Variants in RUNX1T1 observed in about 807,000 individuals in gnomAD.
RUNX1T1 encodes the protein protein CBFA2T1.
Under a neutral mutation model 62.8 loss-of-function variants are expected in RUNX1T1, and 4 were observed. That is an observed-to-expected ratio of 0.06 (90% CI 0.03 to 0.15). RUNX1T1 has a LOEUF of 0.15. Among genes scored for constraint, RUNX1T1 ranks in the 10% least tolerant of loss-of-function variants. The pLI is 1.00. For missense variants in RUNX1T1, 508 were observed against 754.3 expected, an observed-to-expected ratio of 0.67 and a Z score of 3.82; for synonymous variants, 291 against 286.0, an observed-to-expected ratio of 1.02 and a Z score of -0.18.
At chr8:91,970,634 T>C (rs1413204578) in intron 10 of RUNX1T1, 24 bp downstream of exon 11, 2 of 1,566,672 alleles carry the variant, frequency 1.3e-6, no homozygotes, top group Non-Finnish European at 1.7e-6. Context: ...TCTTGTTTAT[T>C]TGGAGCTTCC....
chr8:92,081,291 A>G, intron 1 of RUNX1T1: 1 of 958,298 alleles, frequency 1.0e-6, no homozygotes, highest in East Asian at 1.1e-4. Context: ...TTATCATTTG[A>G]TACTAGAAAA....
chr8:92,012,607 ATTTT>A lies in RUNX1T1; in HGVS notation c.388-1520_388-1517del, dbSNP rs574865897. Among the ~76,000 whole-genome samples the A allele has an allele frequency of 4.6e-5, 7 of 152,206 alleles. No homozygotes were observed. In the South Asian group the frequency reaches 1.5e-3, roughly 32 times the overall value. On this transcript the variant is annotated intron_variant, in intron 3 of 10. Transcript: ENST00000396218. ...AACAAAAAAGACAGTACTTCCTAAC[ATTTT>A]CTTAACTCCACCTAAGCATCAGCAT...
chr8:92,010,935 G>A (rs777825521), intron 4 of RUNX1T1, 67 bp downstream of exon 5: 2 of 832,336 alleles, frequency 2.4e-6, no homozygotes, highest in Non-Finnish European at 4.0e-6. Flanking sequence ...TACTAAAAAA[G>A]CACACAGTTA....
At chr8:92,013,701 G>A (rs954731998) in intron 3 of RUNX1T1, among the ~76,000 whole-genome samples, 12 of 151,882 alleles carry the variant, frequency 7.9e-5, no homozygotes, top group Non-Finnish European at 4.4e-5. Context: ...GACTTAGAAC[G>A]CAAAAAAAGA....
chr8:92,020,638 C>T (rs369572060), intron 1 of RUNX1T1, among the ~76,000 whole-genome samples: 72 of 152,278 alleles, frequency 4.7e-4, no homozygotes, highest in Middle Eastern at 3.4e-3. Flanking sequence ...GCGATTCATA[C>T]TACTTCTAAA....
intron 9 of RUNX1T1, 70 bp from the exon 11 acceptor site, chr8:91,970,918 T>TAC: frequency 7.7e-7 from 1 of 1,292,238 alleles, no homozygotes; most frequent in Middle Eastern, 2.4e-4. Context: ...GGATACGGAT[T>TAC]ACTTTTCTTT....
intron 3 of RUNX1T1, among the ~76,000 whole-genome samples, chr8:92,013,862 G>A (rs1822473101): frequency 6.6e-6 from 1 of 152,098 alleles, no homozygotes. Context: ...TTTACCAGGA[G>A]CTGGGGATAA....
At chr8:92,075,407 T>C (rs1438062780) in intron 2 of RUNX1T1, among the ~76,000 whole-genome samples, 1 of 152,260 alleles carries the variant, frequency 6.6e-6, no homozygotes, top group Non-Finnish European at 1.5e-5. Flanking sequence ...AGTTTATATT[T>C]GCTGTTTTCC....
intron 5 of RUNX1T1, among the ~76,000 whole-genome samples, chr8:91,997,726 C>G (rs913625936): frequency 8.5e-5 from 13 of 152,194 alleles, no homozygotes; most frequent in South Asian, 8.3e-4. Context: ...CTTGTCACAC[C>G]ATGGTCCCAC....
chr8:92,078,339 T>C (rs1483699668), intron 1 of RUNX1T1, among the ~76,000 whole-genome samples: 3 of 152,130 alleles, frequency 2.0e-5, no homozygotes, highest in African/African-American at 7.2e-5. Context: ...ATAAGCACGA[T>C]GTTCAGGTAT....
chr8:92,009,520 T>A (rs1008482367), intron 4 of RUNX1T1: 4 of 152,022 alleles, frequency 2.6e-5, no homozygotes, highest in Non-Finnish European at 5.9e-5. Flanking sequence ...AATCTGGAAG[T>A]GTCCTTGTAA....
intron 8 of RUNX1T1, among the ~76,000 whole-genome samples, chr8:91,980,968 C>A (rs1215592910): frequency 1.3e-5 from 2 of 151,976 alleles, no homozygotes; most frequent in Non-Finnish European, 2.9e-5. Flanking sequence ...CACTTCTACT[C>A]CCAGCAGAAA....
chr8:92,033,724 A>C (rs575438127), intron 1 of RUNX1T1, among the ~76,000 whole-genome samples: 1 of 151,940 alleles, frequency 6.6e-6, no homozygotes, highest in East Asian at 1.9e-4. Flanking sequence ...ATAATCCGAG[A>C]ACTTTGGGAG....
At chr8:91,958,670 C>T (rs1301726040), downstream of RUNX1T1, 1 of 167,442 alleles carries the variant, frequency 6.0e-6, no homozygotes, top group East Asian at 9.8e-5. Flanking sequence ...TCCACGACTA[C>T]TCTATGCTAC....
At chr8:91,973,810 AT>A (rs1240571317) in intron 9 of RUNX1T1, among the ~76,000 whole-genome samples, 1 of 152,092 alleles carries the variant, frequency 6.6e-6, no homozygotes, top group Non-Finnish European at 1.5e-5. Context: ...AGATTTCTAG[AT>A]GAAACTATCA....
chr8:91,984,411 T>C (rs1243640064), intron 8 of RUNX1T1, among the ~76,000 whole-genome samples: 1 of 152,188 alleles, frequency 6.6e-6, no homozygotes, highest in African/African-American at 2.4e-5. Flanking sequence ...TCTGGTCAGT[T>C]TGGCCGACTG....
intron 1 of RUNX1T1, among the ~76,000 whole-genome samples, chr8:92,038,287 A>C (rs1385563836): frequency 6.6e-6 from 1 of 152,166 alleles, no homozygotes; most frequent in African/African-American, 2.4e-5. Context: ...TCCCAGTCCT[A>C]GTACAGTGTC....
At chr8:92,002,544 C>T (rs1819968598) in intron 5 of RUNX1T1, among the ~76,000 whole-genome samples, 1 of 152,060 alleles carries the variant, frequency 6.6e-6, no homozygotes. Flanking sequence ...ATTTAAGCTC[C>T]CAAAGTTGTA....
chr8:92,030,665 A>G (rs928398765), intron 1 of RUNX1T1, among the ~76,000 whole-genome samples: 1 of 152,118 alleles, frequency 6.6e-6, no homozygotes, highest in African/African-American at 2.4e-5. Flanking sequence ...TTAACCCAAA[A>G]CATACCTTTC....
Sources: gnomAD v4.1 joint callset for allele counts (sites outside exome capture counted in the v4.1 genomes callset) on GRCh38, gnomAD v4.1.1 for gene constraint, MANE v1.5 for transcripts, NCBI Gene and HGNC (gene_info 2026-07-23, HGNC 2026-07-21) for gene names.